The following GRM8 variants were observed in gnomAD, a reference collection of about 807,000 sequenced individuals.
GRM8 encodes metabotropic glutamate receptor 8.
GRM8 carries 47 observed loss-of-function variants against 87.2 expected under a neutral mutation model. That is an observed-to-expected ratio of 0.54 (90% CI 0.43 to 0.69). GRM8 has a LOEUF of 0.69. Ranked by LOEUF, GRM8 falls within the 30% of genes least tolerant of loss-of-function variation. The pLI is 0.00. For missense variants in GRM8, 1,019 were observed against 1,139.2 expected (o/e 0.89, Z 1.52); for synonymous variants, 396 against 404.5 (o/e 0.98, Z 0.25).
At chr7:127,184,285 T>A (rs898864516) in intron 2 of GRM8, among the ~76,000 whole-genome samples, 1 of 151,714 alleles carries the variant, frequency 6.6e-6, no homozygotes, top group Non-Finnish European at 1.5e-5. Flanking sequence ...CAACAATATA[T>A]AAAAATAATT....
intron 3 of GRM8, among the ~76,000 whole-genome samples, chr7:126,987,445 G>GT (rs11395818): frequency 0.43 from 63,866 of 148,476 alleles, 13,699 homozygotes; most frequent in East Asian, 0.55. Context: ...CTTGTTCACA[G>GT]TTTTTTTTTT....
At chr7:126,462,797 A>T (rs1440401414) in intron 9 of GRM8, among the ~76,000 whole-genome samples, 1 of 151,710 alleles carries the variant, frequency 6.6e-6, no homozygotes, top group African/African-American at 2.4e-5. Context: ...GATACAAAAA[A>T]TGGTCCTATA....
intron 6 of GRM8, among the ~76,000 whole-genome samples, chr7:126,816,004 T>TTATA (rs143861156): frequency 0.018 from 2,707 of 150,378 alleles, 84 homozygotes; most frequent in African/African-American, 0.058. Flanking sequence ...GGCCAGATTT[T>TTATA]TATATATATA....
At chr7:126,882,891 G>T (rs1395291384) in intron 6 of GRM8, among the ~76,000 whole-genome samples, 4 of 152,146 alleles carry the variant, frequency 2.6e-5, no homozygotes, top group Admixed American at 6.5e-5. Flanking sequence ...AATAGTATTT[G>T]TAATTCGCCT....
intron 8 of GRM8, among the ~76,000 whole-genome samples, chr7:126,543,573 T>TCCTTCACTGAAAAGGGGCGTA (rs1353488735): frequency 1.3e-5 from 2 of 151,986 alleles, no homozygotes; most frequent in East Asian, 3.9e-4. Context: ...GGTAGTGGTA[T>TCCTTCACTGAAAAGGGGCGTA]CCTTCACTGA....
At chr7:127,227,225 G>A (rs868623161) in intron 2 of GRM8, among the ~76,000 whole-genome samples, 4 of 152,140 alleles carry the variant, frequency 2.6e-5, no homozygotes, top group Non-Finnish European at 4.4e-5. Context: ...TCGGGCTGCC[G>A]ACCAAGTCCA....
At chr7:126,696,820 G>T (rs1372822832) in intron 7 of GRM8, among the ~76,000 whole-genome samples, 1 of 152,022 alleles carries the variant, frequency 6.6e-6, no homozygotes, top group South Asian at 2.1e-4. Context: ...AAACTGGGGG[G>T]CTTCCACCCA....
At chr7:127,124,253 C>T (rs571733288) in intron 2 of GRM8, among the ~76,000 whole-genome samples, 13 of 152,234 alleles carry the variant, frequency 8.5e-5, no homozygotes, top group East Asian at 1.9e-4. Context: ...GCATTGAGAC[C>T]GGCTTTTGTC....
chr7:126,655,670 A>C (rs1804442868), intron 7 of GRM8, among the ~76,000 whole-genome samples: 1 of 152,226 alleles, frequency 6.6e-6, no homozygotes, highest in Non-Finnish European at 1.5e-5. Flanking sequence ...CATTACAAAC[A>C]TATTAGGCAT....
chr7:126,558,967 C>T (rs1327867619), intron 8 of GRM8, among the ~76,000 whole-genome samples: 1 of 152,066 alleles, frequency 6.6e-6, no homozygotes, highest in Non-Finnish European at 1.5e-5. Context: ...ATAGCAGCTA[C>T]AATTAGTGAA....
At chr7:126,991,695 T>C (rs1812670122) in intron 3 of GRM8, among the ~76,000 whole-genome samples, 1 of 152,174 alleles carries the variant, frequency 6.6e-6, no homozygotes, top group Non-Finnish European at 1.5e-5. Context: ...GCAAAACATT[T>C]AACTGTGAAC....
chr7:126,655,026 CA>C (rs1291028109), intron 7 of GRM8, among the ~76,000 whole-genome samples: 2 of 152,022 alleles, frequency 1.3e-5, no homozygotes, highest in Non-Finnish European at 2.9e-5. Flanking sequence ...CCCAAAGAAA[CA>C]GAACTGAGAA....
chr7:126,998,075 A>C (rs1198023652), intron 3 of GRM8, among the ~76,000 whole-genome samples: 1 of 152,002 alleles, frequency 6.6e-6, no homozygotes, highest in East Asian at 1.9e-4. Flanking sequence ...AAGATCATTC[A>C]TCATGACCAA....
chr7:126,519,037 G>A (rs1272578849), intron 9 of GRM8, among the ~76,000 whole-genome samples: 5 of 152,042 alleles, frequency 3.3e-5, no homozygotes, highest in Non-Finnish European at 7.4e-5. Flanking sequence ...GCTTAAAAAT[G>A]TTTATCCCTT....
At chr7:126,861,488 T>G (rs2130814784) in intron 6 of GRM8, among the ~76,000 whole-genome samples, 1 of 152,200 alleles carries the variant, frequency 6.6e-6, no homozygotes, top group African/African-American at 2.4e-5. Flanking sequence ...TAAAGTAGTT[T>G]GACCAATTTA....
At chr7:127,053,267 G>T (rs2132510225) in intron 3 of GRM8, among the ~76,000 whole-genome samples, 2 of 152,238 alleles carry the variant, frequency 1.3e-5, no homozygotes, top group South Asian at 4.1e-4. Context: ...TAGACAAAAT[G>T]GACTTTGTTA....
At chr7:126,523,224 G>T (rs1427856110) in intron 9 of GRM8, among the ~76,000 whole-genome samples, 1 of 152,008 alleles carries the variant, frequency 6.6e-6, no homozygotes, top group Non-Finnish European at 1.5e-5. Context: ...GTACCTTTAT[G>T]TTGTCTTAGA....
intron 7 of GRM8, among the ~76,000 whole-genome samples, chr7:126,763,852 T>C (rs971307134): frequency 1.3e-5 from 2 of 152,024 alleles, no homozygotes; most frequent in East Asian, 1.9e-4. Context: ...AAAGAATTAA[T>C]GTTTTTCCCA....
rs112893975 is a variant in GRM8 at position 126,738,732 on chromosome 7, C to T, written c.1357+31133G>A. Among the ~76,000 whole-genome samples the T allele has an allele frequency of 5.9e-3, 884 of 150,444 alleles. 10 individuals are homozygous for T. Among genetic ancestry groups the T allele is most frequent in the African/African-American group, 0.021 (839 of 40,888 alleles). ...GGGTTGGGGGATGCAGAAAGAAGAACAGAGGAACCAGCATAGAGCCCTGGG... is the reference window on the plus strand; with the variant it reads ...GGGTTGGGGGATGCAGAAAGAAGAATAGAGGAACCAGCATAGAGCCCTGGG... On this transcript the variant is annotated intron_variant, in intron 7 of 10. Coordinates refer to ENST00000339582, the MANE Select transcript of GRM8 (RefSeq NM_000845.3).
Sources: gnomAD v4.1 joint callset for allele counts (sites outside exome capture counted in the v4.1 genomes callset) on GRCh38, gnomAD v4.1.1 for gene constraint, MANE v1.5 for transcripts, NCBI Gene and HGNC (gene_info 2026-07-23, HGNC 2026-07-21) for gene names.